Variants in GABRA2 observed in about 807,000 individuals in gnomAD.
GABRA2 encodes gamma-aminobutyric acid receptor subunit alpha-2.
In GABRA2, 16 loss-of-function variants were observed where a neutral mutation model predicts 48.7. That is an observed-to-expected ratio of 0.33 (90% CI 0.22 to 0.50). GABRA2 has a LOEUF of 0.50. Among genes scored for constraint, GABRA2 ranks in the 20% least tolerant of loss-of-function variants. The pLI, the probability that GABRA2 is intolerant of heterozygous loss-of-function variation, is 0.98. For synonymous variants in GABRA2, 185 were observed against 184.5 expected (o/e 1.00, Z -0.02); for missense variants, 275 against 535.6 (o/e 0.51, Z 4.80).
At chr4:46,308,720 G>T (rs1198061519) in intron 6 of GABRA2, among the ~76,000 whole-genome samples, 5 of 152,130 alleles carry the variant, frequency 3.3e-5, no homozygotes, top group Non-Finnish European at 7.4e-5. Context: ...ATATGCTCAA[G>T]CATGCGATAT....
chr4:46,299,791 T>C (rs1725419322), intron 8 of GABRA2, among the ~76,000 whole-genome samples: 2 of 151,456 alleles, frequency 1.3e-5, no homozygotes, highest in Non-Finnish European at 3.0e-5. Flanking sequence ...TCTTTCTTGA[T>C]CCCTCCCCCT....
intron 4 of GABRA2, among the ~76,000 whole-genome samples, chr4:46,318,518 A>G (rs2109734930): frequency 6.6e-6 from 1 of 151,796 alleles, no homozygotes; most frequent in South Asian, 2.1e-4. Flanking sequence ...AAAATGCACA[A>G]TCTAAGTATT....
At position 46,273,380 on chromosome 4, in the gene GABRA2, C is replaced by CTGTGTGTGTGTG. The variant is rs35001945; in HGVS notation, c.857-11264_857-11253dup. On this transcript the variant is annotated intron_variant, in intron 8 of 9. Transcript: ENST00000381620. The stretch of plus-strand genomic sequence containing the variant: ...CTTTCTTCTTTCTCTCTCTCTCCCT[C>CTGTGTGTGTGTG]TGTGTGTGTGTGTGTGTGTGTGTAT... Among the ~76,000 whole-genome samples, 40 of 144,762 alleles carry CTGTGTGTGTGTG rather than the reference C, an allele frequency of 2.8e-4. No homozygotes were observed. In the Middle Eastern group the frequency reaches 0.014, roughly 52 times the overall value. 95.0% of individuals were successfully genotyped at this position (144,762 alleles called of 152,430 possible).
chr4:46,383,630 C>G (rs1021466607), intron 3 of GABRA2, among the ~76,000 whole-genome samples: 1 of 151,950 alleles, frequency 6.6e-6, no homozygotes, highest in African/African-American at 2.4e-5. Context: ...ATAATATGTA[C>G]CAGGAGACAT....
intron 3 of GABRA2, among the ~76,000 whole-genome samples, chr4:46,339,305 G>T (rs1292232820): frequency 6.6e-6 from 1 of 151,678 alleles, no homozygotes; most frequent in East Asian, 1.9e-4. Context: ...TACTATACTG[G>T]ATAGAAGAGC....
At position 46,247,120 on chromosome 4, in the gene GABRA2, T is replaced by C. The variant is rs1426736528; in HGVS notation, c.*3188A>G. Among the ~76,000 whole-genome samples the C allele has an allele frequency of 6.6e-6, 1 of 151,256 alleles. No individual in the cohort carries two copies. Among genetic ancestry groups the C allele is most frequent in the Non-Finnish European group, 1.5e-5 (1 of 67,510 alleles). On this transcript the variant is annotated 3_prime_UTR_variant, in exon 10 of 10. Coordinates refer to ENST00000381620, the MANE Select transcript of GABRA2 (RefSeq NM_000807.4). ...AAACATGGCTCAAGGGGATCACTTA[T>C]CCAAACCTGAGATAAATTCAAAATA...
chr4:46,250,948 A>G (rs1714631816), intron 9 of GABRA2, among the ~76,000 whole-genome samples: 1 of 151,586 alleles, frequency 6.6e-6, no homozygotes. Flanking sequence ...TGAATGAATA[A>G]CTGAAATGTA....
intron 3 of GABRA2, among the ~76,000 whole-genome samples, chr4:46,342,157 G>T (rs2109859150): frequency 6.6e-6 from 1 of 152,132 alleles, no homozygotes; most frequent in East Asian, 1.9e-4. Context: ...ATGAAACAAT[G>T]AAAGTTAAAA....
Position 46,275,539 on chromosome 4 carries a change from T to A in GABRA2, c.857-13411A>T, listed in dbSNP as rs530923873. On this transcript the variant is annotated intron_variant, in intron 8 of 9. Transcript: ENST00000381620. ...GAAGAGGTTCAACCTGATGTGACTA[T>A]AAGAACCACTATTATATTCCAATTT... Among the ~76,000 whole-genome samples, 3 of 152,254 alleles carry A rather than the reference T, an allele frequency of 2.0e-5. No homozygotes were observed. The South Asian group carries it at 6.2e-4, about 32-fold the overall frequency.
chr4:46,329,319 T>C (rs1730935728), intron 4 of GABRA2, among the ~76,000 whole-genome samples: 1 of 152,134 alleles, frequency 6.6e-6, no homozygotes, highest in Non-Finnish European at 1.5e-5. Context: ...CACTCCAATG[T>C]AGTCACAAGA....
At chr4:46,261,860 A>G (rs1280296696) in intron 9 of GABRA2, 66 bp downstream of exon 9, 6 of 1,274,948 alleles carry the variant, frequency 4.7e-6, no homozygotes, top group Non-Finnish European at 6.9e-6. Context: ...TTAGAAACAT[A>G]TCTGTTACAA....
Position 46,278,119 on chromosome 4 carries a change from T to TA in GABRA2, c.857-15992dup, listed in dbSNP as rs1166391780. ...AGTTCTGAAGATTAAGAGCCCAGGA[T>TA]AAAGAAATTTTAATTCAAGAAAAAC... On this transcript the variant is annotated intron_variant, in intron 8 of 9. Coordinates refer to ENST00000381620, the MANE Select transcript of GABRA2 (RefSeq NM_000807.4). Among the ~76,000 whole-genome samples, 3 of 152,022 alleles carry TA rather than the reference T, an allele frequency of 2.0e-5. No individual in the cohort carries two copies. The East Asian group carries it at 5.8e-4, about 29-fold the overall frequency.
chr4:46,296,045 T>A (rs1280358297), intron 8 of GABRA2, among the ~76,000 whole-genome samples: 1 of 152,206 alleles, frequency 6.6e-6, no homozygotes, highest in Admixed American at 6.5e-5. Flanking sequence ...ATTGATAGAA[T>A]GGTGGAATGA....
At chr4:46,318,506 G>T (rs1578030495) in intron 4 of GABRA2, among the ~76,000 whole-genome samples, 1 of 151,656 alleles carries the variant, frequency 6.6e-6, no homozygotes, top group South Asian at 2.1e-4. Context: ...TTAAATGCTT[G>T]TAAAATGCAC....
intron 4 of GABRA2, among the ~76,000 whole-genome samples, chr4:46,317,796 A>AC (rs1276598070): frequency 6.6e-6 from 1 of 151,826 alleles, no homozygotes; most frequent in Non-Finnish European, 1.5e-5. Flanking sequence ...ATTCAAAAAA[A>AC]AATTTATAAT....
chr4:46,324,071 A>G (rs1729910517), intron 4 of GABRA2, among the ~76,000 whole-genome samples: 1 of 151,912 alleles, frequency 6.6e-6, no homozygotes, highest in African/African-American at 2.4e-5. Flanking sequence ...CTGCTTAAAA[A>G]TGTTACCTCC....
chr4:46,352,220 TTG>T (rs777143998), intron 3 of GABRA2, among the ~76,000 whole-genome samples: 2 of 151,978 alleles, frequency 1.3e-5, no homozygotes, highest in Non-Finnish European at 2.9e-5. Context: ...CACATCCAGT[TTG>T]TACTCTCAGG....
At chr4:46,366,543 T>G (rs1359604405) in intron 3 of GABRA2, 2 of 152,090 alleles carry the variant, frequency 1.3e-5, no homozygotes, top group Non-Finnish European at 2.9e-5. Context: ...GGATAGAATA[T>G]CCATGCCATC....
chr4:46,341,119 G>A (rs1044442778), intron 3 of GABRA2, among the ~76,000 whole-genome samples: 4 of 151,796 alleles, frequency 2.6e-5, no homozygotes, highest in African/African-American at 9.7e-5. Flanking sequence ...TTCTCTTTCG[G>A]AGAGATATTG....
Sources: gnomAD v4.1 joint callset for allele counts (sites outside exome capture counted in the v4.1 genomes callset) on GRCh38, gnomAD v4.1.1 for gene constraint, MANE v1.5 for transcripts, NCBI Gene and HGNC (gene_info 2026-07-23, HGNC 2026-07-21) for gene names.